Variants in GYG2 observed in about 807,000 individuals in gnomAD.
The protein encoded by GYG2 is glycogenin-2.
Under a neutral mutation model 29.4 loss-of-function variants are expected in GYG2, and 29 were observed. The ratio of observed to expected loss-of-function variants is 0.99; its 90% CI spans 0.74 to 1.35. The LOEUF is 1.35. Ranked by LOEUF, GYG2 falls within the 40% of genes most tolerant of loss-of-function variation. The pLI, the probability that GYG2 is intolerant of heterozygous loss-of-function variation, is 0.00. For missense variants in GYG2, 370 were observed against 385.7 expected (o/e 0.96, Z 0.34); for synonymous variants, 167 against 172.3 (o/e 0.97, Z 0.24).
intron 3 of GYG2, among the ~76,000 whole-genome samples, chrX:2,851,210 G>A (rs911454895): frequency 1.3e-4 from 14 of 111,543 alleles, no homozygotes; most frequent in African/African-American, 4.6e-4. Context: ...CTAAGTAATG[G>A]TCAATTGTTT....
chrX:2,853,242 G>A (rs1305395387), intron 3 of GYG2, among the ~76,000 whole-genome samples: 2 of 110,745 alleles, frequency 1.8e-5, no homozygotes, highest in African/African-American at 3.3e-5. Context: ...ATAGAGTCTC[G>A]CTCTGTTGCC....
At chrX:2,875,981 C>G in intron 9 of GYG2, 67 bp downstream of exon 9, 1 of 580,265 alleles carries the variant, frequency 1.7e-6, no homozygotes, top group Admixed American at 2.7e-5. Context: ...CTCACAGGGT[C>G]TATCCCCATT....
rs749776658 is a variant in GYG2, at chrX:2,859,990, G to T, written c.762G>T (p.Thr254=). The T allele has an allele frequency of 8.3e-7, 1 of 1,204,864 alleles. No homozygotes were observed. The highest frequency in any genetic ancestry group is 1.1e-6 in the Non-Finnish European group (1 of 890,978). ...HQAAFLHLWW[T]VYQNNVLPLY... ...CGGCATTCCTTCATCTCTGGTGGAC[G>T]GTCTACCAGAACAACGTGCTGCCCC... is the stretch of plus-strand genomic sequence containing the variant. Residue 254 remains threonine (T), a synonymous_variant, in exon 7 of 11, where the codon ACG becomes ACT. Coordinates refer to ENST00000398806, the MANE Select transcript of GYG2 (RefSeq NM_001079855.2).
In GYG2 at chrX:2,869,016, T is replaced by TAA. The variant is rs34020477; in HGVS notation, c.1039-6781_1039-6780dup. Among the ~76,000 whole-genome samples the TAA allele has an allele frequency of 2.2e-3, 214 of 96,425 alleles. 1 individual carries two copies. The highest frequency in any genetic ancestry group is 5.3e-3 in the African/African-American group (142 of 26,625). 83.7% of individuals were successfully genotyped at this position (96,425 alleles called of 115,157 possible). On this transcript the variant is annotated intron_variant, in intron 8 of 10. Coordinates refer to ENST00000398806, the MANE Select transcript of GYG2 (RefSeq NM_001079855.2). ...AATCAATAAATATTTCTGAACATCT[T>TAA]AAAAAAAAAAAAAAGAGGGATGCTG...
At chrX:2,841,222 GGATA>G (rs924468445) in intron 2 of GYG2, among the ~76,000 whole-genome samples, 3 of 109,934 alleles carry the variant, frequency 2.7e-5, no homozygotes, top group Non-Finnish European at 5.7e-5. Context: ...ATGGATGGAT[GGATA>G]GATAGAGATA....
intron 10 of GYG2, among the ~76,000 whole-genome samples, chrX:2,879,348 A>T (rs2088667001): frequency 9.5e-6 from 1 of 105,593 alleles, no homozygotes; most frequent in Admixed American, 1.0e-4. Context: ...GCTCACTGCA[A>T]CCTCCGCCTC....
intron 5 of GYG2, among the ~76,000 whole-genome samples, chrX:2,855,776 A>G (rs1210015064): frequency 1.4e-4 from 16 of 111,314 alleles, no homozygotes; most frequent in African/African-American, 5.2e-4. Flanking sequence ...AAATACAAAA[A>G]TAAGCTGGAT....
intron 3 of GYG2, among the ~76,000 whole-genome samples, chrX:2,846,301 AAGTG>A (rs1321264652): frequency 9.4e-6 from 1 of 106,046 alleles, no homozygotes; most frequent in African/African-American, 3.4e-5. Flanking sequence ...GCCTGACCTC[AAGTG>A]ATCTGCCCGC....
intron 8 of GYG2, among the ~76,000 whole-genome samples, chrX:2,871,262 A>C (rs1400573934): frequency 1.8e-5 from 2 of 109,780 alleles, no homozygotes; most frequent in African/African-American, 6.6e-5. Context: ...TCAGTTTCTC[A>C]GCTTCCCAGC....
chrX:2,854,871 G>A (rs1032002561), intron 4 of GYG2, 122 bp from the exon 5 acceptor site: 8 of 755,695 alleles, frequency 1.1e-5, no homozygotes, highest in African/African-American at 6.3e-5. Context: ...GGCGGAGGCC[G>A]CAGTGAGCCG....
chrX:2,832,119 G>T (rs1169302473), intron 2 of GYG2, among the ~76,000 whole-genome samples: 1 of 113,019 alleles, frequency 8.8e-6, no homozygotes, highest in Non-Finnish European at 1.9e-5. Context: ...TGGAAGCTAA[G>T]CCCTGTCAAT....
At position 2,861,722 on chromosome X, in the gene GYG2, T is replaced by C; in HGVS notation, c.1038T>C (p.Asp346=). Residue 346 remains aspartate, a splice_region_variant and synonymous_variant, in exon 8 of 11, where the codon GAT becomes GAC. Coordinates refer to ENST00000398806, the MANE Select transcript of GYG2 (RefSeq NM_001079855.2). ...LSLPEGRRSE[D]MIACPETETP... ...TACCTGAAGGACGCCGTTCAGAAGA[T>C]GTAAGTACCTGCATTCCTCACAGGT... 2 of 1,148,143 alleles carry C rather than the reference T, an allele frequency of 1.7e-6. No homozygotes were observed. Among genetic ancestry groups the C allele is most frequent in the South Asian group, 1.9e-5 (1 of 52,941 alleles). 94.6% of individuals were successfully genotyped at this position (1,148,143 alleles called of 1,213,427 possible).
Position 2,867,108 on chromosome X carries a change from C to A in GYG2, c.1038+5386C>A, listed in dbSNP as rs977994475. Among the ~76,000 whole-genome samples the A allele has an allele frequency of 2.7e-5, 3 of 111,982 alleles. No individual in the cohort carries two copies. The Admixed American group carries it at 2.8e-4, about 11-fold the overall frequency. On this transcript the variant is annotated intron_variant, in intron 8 of 10. Transcript: ENST00000398806. ...GGACAGTAGGTGGCCCTTCTGCTGTCTGTCTGAGCATGAGCTCAAGGCCAA... is the reference window on the plus strand; with the variant it reads ...GGACAGTAGGTGGCCCTTCTGCTGTATGTCTGAGCATGAGCTCAAGGCCAA...
intron 2 of GYG2, among the ~76,000 whole-genome samples, chrX:2,830,678 T>G (rs1167424724): frequency 9.0e-6 from 1 of 111,727 alleles, no homozygotes; most frequent in African/African-American, 3.3e-5. Flanking sequence ...CCCAGCACTT[T>G]GGGAAGCTGA....
At chrX:2,843,666 G>A (rs760313224) in intron 3 of GYG2, among the ~76,000 whole-genome samples, 1 of 112,119 alleles carries the variant, frequency 8.9e-6, no homozygotes, top group Non-Finnish European at 1.9e-5. Flanking sequence ...GTCTCGCTCT[G>A]TCGCCCAGGC....
At chrX:2,863,423 A>G (rs765890806) in intron 8 of GYG2, among the ~76,000 whole-genome samples, 97 of 111,976 alleles carry the variant, frequency 8.7e-4, no homozygotes, top group African/African-American at 3.1e-3. Context: ...GTTTCTCAAC[A>G]GAATTATTTT....
chrX:2,877,863 C>G, intron 10 of GYG2: 1 of 752,215 alleles, frequency 1.3e-6, no homozygotes, highest in African/African-American at 2.3e-5. Flanking sequence ...GCCATTTGGT[C>G]TTTAAGTAAC....
chrX:2,856,351 G>T, intron 5 of GYG2, 147 bp from the exon 6 acceptor site: 2 of 476,089 alleles, frequency 4.2e-6, no homozygotes, highest in Admixed American at 3.9e-5. Flanking sequence ...AGAACCAAGA[G>T]AATGTGTGCA....
At position 2,861,607 on chromosome X, in the gene GYG2, G is replaced by A. The variant is rs1310422655; in HGVS notation, c.923G>A (p.Gly308Asp). 4.4e-5 allele frequency: 53 copies of A among 1,205,102 alleles called. No homozygotes were observed. Among genetic ancestry groups the A allele is most frequent in the Non-Finnish European group, 5.8e-5 (52 of 891,688 alleles). The change falls in exon 8 of 11, where the codon GGC becomes GAC. Residue 308 changes from glycine (G) to aspartate (D), a missense_variant. Coordinates refer to ENST00000398806, the MANE Select transcript of GYG2 (RefSeq NM_001079855.2). Reference protein sequence around the residue: ...EPCENSTPSAGVPCANSPLGS... With the variant: ...EPCENSTPSADVPCANSPLGS... ...TGTGAAAATTCAACACCCAGTGCGG[G>A]CGTGCCGTGTGCAAATTCACCACTG...
Sources: allele counts gnomAD v4.1 joint callset (sites outside exome capture counted in the v4.1 genomes callset), GRCh38; gene constraint gnomAD v4.1.1; transcripts MANE v1.5; gene names NCBI Gene and HGNC (gene_info 2026-07-23, HGNC 2026-07-21).